The following SLC27A2 variants were observed in gnomAD, a reference collection of about 807,000 sequenced individuals.
SLC27A2 encodes solute carrier family 27 member 2, also known as long-chain fatty acid transport protein 2.
A neutral mutation model predicts 60.0 loss-of-function variants in SLC27A2; 54 were observed. That is an observed-to-expected ratio of 0.90 (90% CI 0.72 to 1.13). The LOEUF is 1.13. Ranked by LOEUF, SLC27A2 falls within the 50% of genes most tolerant of loss-of-function variation. SLC27A2 has a pLI of 0.00. For missense variants in SLC27A2, 739 were observed against 777.6 expected (o/e 0.95, Z 0.59); for synonymous variants, 297 against 297.6 (o/e 1.00, Z 0.02).
chr15:50,214,067 G>T (rs886506377), intron 4 of SLC27A2, among the ~76,000 whole-genome samples: 2 of 151,854 alleles, frequency 1.3e-5, no homozygotes, highest in African/African-American at 4.8e-5. Context: ...CCATTAGTAA[G>T]ATTAACCAAG....
At chr15:50,226,385 C>G (rs977752028) in intron 6 of SLC27A2, among the ~76,000 whole-genome samples, 3 of 152,170 alleles carry the variant, frequency 2.0e-5, no homozygotes, top group Admixed American at 6.5e-5. Flanking sequence ...GCTTTAACAA[C>G]TGTGCGTTTG....
At chr15:50,199,500 A>G (rs1416428487) in intron 2 of SLC27A2, among the ~76,000 whole-genome samples, 1 of 151,996 alleles carries the variant, frequency 6.6e-6, no homozygotes, top group Non-Finnish European at 1.5e-5. Flanking sequence ...AAAGAAAGAA[A>G]AAAAAAGAAA....
chr15:50,235,519 C>T (rs78471688), intron 9 of SLC27A2, among the ~76,000 whole-genome samples: 2,499 of 152,228 alleles, frequency 0.016, 66 homozygotes, highest in African/African-American at 0.058. Context: ...ATAAAAAATA[C>T]CTCACAAAGG....
chr15:50,235,177 T>C (rs986977249), intron 9 of SLC27A2, among the ~76,000 whole-genome samples: 1 of 152,190 alleles, frequency 6.6e-6, no homozygotes, highest in Non-Finnish European at 1.5e-5. Flanking sequence ...GTGTATAGGA[T>C]TATTCCTGTT....
chr15:50,208,373 G>A lies in SLC27A2; in HGVS notation c.972+3010G>A, dbSNP rs1005361381. Among the ~76,000 whole-genome samples the A allele has an allele frequency of 2.1e-4, 32 of 152,144 alleles. 1 individual carries two copies. The highest frequency in any genetic ancestry group is 2.0e-4 in the Admixed American group (3 of 15,266). ...GAGAGCAAGTACTCTGGAGTTAGTC[G>A]GCCTGCATTCTGACTCTGGCATTGG... On this transcript the variant is annotated intron_variant, in intron 4 of 9. Coordinates refer to ENST00000267842, the MANE Select transcript of SLC27A2 (RefSeq NM_003645.4).
chr15:50,190,578 C>T (rs934601386), intron 1 of SLC27A2, among the ~76,000 whole-genome samples: 1 of 150,094 alleles, frequency 6.7e-6, no homozygotes, highest in African/African-American at 2.5e-5. Context: ...TGCCTTCTAG[C>T]AATGGACTTG....
intron 1 of SLC27A2, among the ~76,000 whole-genome samples, chr15:50,192,566 A>T (rs1036377326): frequency 6.6e-6 from 1 of 151,780 alleles, no homozygotes; most frequent in South Asian, 2.1e-4. Flanking sequence ...TTTTTTTGAG[A>T]CAGGGTCCCA....
chr15:50,210,785 GC>G (rs1173655282), intron 4 of SLC27A2, among the ~76,000 whole-genome samples: 1 of 152,204 alleles, frequency 6.6e-6, no homozygotes, highest in African/African-American at 2.4e-5. Flanking sequence ...CAGACTCGGG[GC>G]CGTTGAGGGG....
At chr15:50,185,728 C>G (rs566292160) in intron 1 of SLC27A2, among the ~76,000 whole-genome samples, 1 of 146,220 alleles carries the variant, frequency 6.8e-6, no homozygotes, top group Non-Finnish European at 1.5e-5. Context: ...CTCCCTGGTT[C>G]ACGCCATTCT....
intron 1 of SLC27A2, among the ~76,000 whole-genome samples, chr15:50,183,299 G>A (rs1215891463): frequency 6.6e-6 from 1 of 152,118 alleles, no homozygotes; most frequent in East Asian, 1.9e-4. Context: ...TCTTGAGTGC[G>A]AACTCTAGTG....
intron 3 of SLC27A2, among the ~76,000 whole-genome samples, chr15:50,203,010 C>T (rs1235626201): frequency 3.0e-5 from 2 of 67,518 alleles, no homozygotes; most frequent in African/African-American, 1.0e-4. Flanking sequence ...CAAACCTCAT[C>T]TCTAAAAAAA....
intron 2 of SLC27A2, 63 bp from the exon 3 acceptor site, chr15:50,202,424 C>G: frequency 6.5e-7 from 1 of 1,541,466 alleles, no homozygotes; most frequent in Non-Finnish European, 8.9e-7. Flanking sequence ...AGCCAGATCT[C>G]TCTCCTACAC....
chr15:50,203,553 A>C (rs1328908286), intron 3 of SLC27A2, among the ~76,000 whole-genome samples: 1 of 152,188 alleles, frequency 6.6e-6, no homozygotes, highest in Non-Finnish European at 1.5e-5. Flanking sequence ...GACTGAGCTA[A>C]ATAAACAACT....
intron 5 of SLC27A2, among the ~76,000 whole-genome samples, chr15:50,225,274 C>A (rs1336245150): frequency 6.6e-6 from 1 of 152,010 alleles, no homozygotes; most frequent in Non-Finnish European, 1.5e-5. Context: ...CATTTTTCTT[C>A]CAACAAGGAA....
rs748834213 is a variant in SLC27A2, at chr15:50,205,306, C to T, written c.915C>T (p.Asn305=). ...TTTGGGATGACTGCAGAAAATACAA[C>T]GTCACTGTCATTCAGTATATCGGTG... ...SQFWDDCRKY[N]VTVIQYIGEL... The change falls in exon 4 of 10, where the codon AAC becomes AAT. Residue 305 remains asparagine (N), a synonymous_variant. Coordinates refer to ENST00000267842, the MANE Select transcript of SLC27A2 (RefSeq NM_003645.4). The T allele has an allele frequency of 1.1e-5, 18 of 1,611,054 alleles. No individual in the cohort carries two copies. The East Asian group carries it at 2.7e-4, about 24-fold the overall frequency.
chr15:50,226,833 A>G (rs2045281635), intron 6 of SLC27A2, 147 bp from the exon 7 acceptor site: 6 of 623,622 alleles, frequency 9.6e-6, no homozygotes, highest in Non-Finnish European at 1.7e-5. Context: ...ATATGTACAT[A>G]TAATTCACAG....
At chr15:50,183,994 C>T (rs1196708369) in intron 1 of SLC27A2, among the ~76,000 whole-genome samples, 21 of 91,164 alleles carry the variant, frequency 2.3e-4, no homozygotes, top group Admixed American at 6.4e-4. Context: ...TTTCCTACAT[C>T]TTTTTTTTTT....
At chr15:50,212,531 G>A (rs1016885201) in intron 4 of SLC27A2, among the ~76,000 whole-genome samples, 2 of 152,170 alleles carry the variant, frequency 1.3e-5, no homozygotes, top group African/African-American at 4.8e-5. Context: ...AATCTTAAGA[G>A]CTGTGAGACA....
chr15:50,200,252 C>A (rs967515946), intron 2 of SLC27A2, among the ~76,000 whole-genome samples: 1 of 152,050 alleles, frequency 6.6e-6, no homozygotes, highest in Non-Finnish European at 1.5e-5. Context: ...TAAAGCAAGA[C>A]CTTGTCTCTA....
Sources: gnomAD v4.1 joint callset for allele counts (sites outside exome capture counted in the v4.1 genomes callset) on GRCh38, gnomAD v4.1.1 for gene constraint, MANE v1.5 for transcripts, NCBI Gene and HGNC (gene_info 2026-07-23, HGNC 2026-07-21) for gene names.